FSTL4: variants seen among roughly 807,000 people sequenced by gnomAD.
FSTL4 encodes the protein follistatin like 4, also known as follistatin-related protein 4.
In FSTL4, 28 loss-of-function variants were observed where a neutral mutation model predicts 78.2. The observed-to-expected ratio is 0.36, with a 90% confidence interval of 0.27 to 0.49. FSTL4 has a LOEUF of 0.49. FSTL4 is among the 20% of genes least tolerant of loss of function. FSTL4 has a pLI of 0.98. For missense variants in FSTL4, 922 were observed against 1,084.9 expected, an observed-to-expected ratio of 0.85 and a Z score of 2.11; for synonymous variants, 422 against 440.5, an observed-to-expected ratio of 0.96 and a Z score of 0.53.
At chr5:133,358,799 C>G (rs930357448) in intron 4 of FSTL4, among the ~76,000 whole-genome samples, 5 of 152,054 alleles carry the variant, frequency 3.3e-5, no homozygotes, top group African/African-American at 1.2e-4. Flanking sequence ...GGGGTTTCAC[C>G]AGGTTGGCCA....
At chr5:133,576,488 G>A (rs148758070) in intron 2 of FSTL4, among the ~76,000 whole-genome samples, 1 of 152,356 alleles carries the variant, frequency 6.6e-6, no homozygotes, top group African/African-American at 2.4e-5. Context: ...GGAGCTCCAT[G>A]TGACCAGATC....
chr5:133,759,124 G>C, the FSTL4 span, among the ~76,000 whole-genome samples: 4 of 152,158 alleles, frequency 2.6e-5, no homozygotes, highest in East Asian at 7.7e-4. Context: ...AACGTGCAAG[G>C]GTATTTTAAA....
At chr5:133,664,078 A>T in the FSTL4 span, among the ~76,000 whole-genome samples, 9 of 152,162 alleles carry the variant, frequency 5.9e-5, no homozygotes, top group Admixed American at 2.0e-4. Context: ...AGCTACATGA[A>T]AGCAGGTTTC....
the FSTL4 span, among the ~76,000 whole-genome samples, chr5:133,825,193 C>A: frequency 6.6e-6 from 1 of 152,138 alleles, no homozygotes; most frequent in African/African-American, 2.4e-5. Context: ...CCTACTCCCA[C>A]GCCACCTTGA....
At chr5:133,379,714 G>A (rs961711048) in intron 4 of FSTL4, among the ~76,000 whole-genome samples, 11 of 152,138 alleles carry the variant, frequency 7.2e-5, no homozygotes, top group African/African-American at 1.9e-4. Context: ...AGGACACAAC[G>A]TAACAAAACT....
the FSTL4 span, among the ~76,000 whole-genome samples, chr5:133,624,476 T>C: frequency 6.6e-6 from 1 of 151,848 alleles, no homozygotes; most frequent in South Asian, 2.1e-4. Flanking sequence ...GGGGTTTTAT[T>C]TTGGGGTAAT....
At chr5:133,841,683 A>C in the FSTL4 span, among the ~76,000 whole-genome samples, 1 of 152,132 alleles carries the variant, frequency 6.6e-6, no homozygotes, top group Non-Finnish European at 1.5e-5. Flanking sequence ...GCCACCCAAC[A>C]CACAGCACAG....
intron 3 of FSTL4, among the ~76,000 whole-genome samples, chr5:133,465,136 G>T (rs1757678459): frequency 6.6e-6 from 1 of 152,160 alleles, no homozygotes; most frequent in South Asian, 2.1e-4. Context: ...GGGCAGTCCG[G>T]CCTGCTATCT....
chr5:133,539,987 G>A (rs1029420070), intron 3 of FSTL4, among the ~76,000 whole-genome samples: 1 of 149,984 alleles, frequency 6.7e-6, no homozygotes, highest in African/African-American at 2.5e-5. Context: ...CATTTTAATA[G>A]CGACACTTTG....
At chr5:133,651,640 C>CT in the FSTL4 span, among the ~76,000 whole-genome samples, 1 of 149,336 alleles carries the variant, frequency 6.7e-6, no homozygotes, top group South Asian at 2.2e-4. Context: ...ATTTGATTTG[C>CT]TTATTTTTTT....
intron 3 of FSTL4, among the ~76,000 whole-genome samples, chr5:133,403,712 G>T (rs1295467220): frequency 2.6e-5 from 4 of 152,196 alleles, no homozygotes. Context: ...TGTCCGTGGA[G>T]GTGGGTCTTC....
chr5:133,525,987 G>C (rs964732462), intron 3 of FSTL4, among the ~76,000 whole-genome samples: 1 of 152,136 alleles, frequency 6.6e-6, no homozygotes, highest in Non-Finnish European at 1.5e-5. Context: ...AGGGTCATGG[G>C]GGAGACGGAG....
the FSTL4 span, among the ~76,000 whole-genome samples, chr5:133,647,913 T>C: frequency 6.6e-6 from 1 of 152,142 alleles, no homozygotes; most frequent in African/African-American, 2.4e-5. Context: ...GGGAGGTAAT[T>C]GAATCATGGA....
At chr5:133,800,370 T>C in the FSTL4 span, among the ~76,000 whole-genome samples, 1 of 138,062 alleles carries the variant, frequency 7.2e-6, no homozygotes, top group African/African-American at 2.7e-5. Context: ...ATAGGCGACA[T>C]TGGAAGAAGA....
the FSTL4 span, among the ~76,000 whole-genome samples, chr5:133,738,737 G>A: frequency 1.3e-5 from 2 of 152,118 alleles, no homozygotes; most frequent in Non-Finnish European, 2.9e-5. Flanking sequence ...GAGATGACGG[G>A]AGCAAGTGAC....
chr5:133,773,500 A>G, the FSTL4 span, among the ~76,000 whole-genome samples: 1 of 151,716 alleles, frequency 6.6e-6, no homozygotes, highest in East Asian at 1.9e-4. Flanking sequence ...TCCCTTACCT[A>G]CTCTCCTTCT....
chr5:133,650,071 C>T, the FSTL4 span, among the ~76,000 whole-genome samples: 1 of 152,048 alleles, frequency 6.6e-6, no homozygotes, highest in Non-Finnish European at 1.5e-5. Flanking sequence ...TGCAAAGATC[C>T]CATGGCGAGA....
chr5:133,801,270 T>G, the FSTL4 span, among the ~76,000 whole-genome samples: 20 of 152,272 alleles, frequency 1.3e-4, no homozygotes, highest in Middle Eastern at 3.4e-3. Flanking sequence ...CAACTGCTTT[T>G]CAGGCATCTC....
At chr5:133,524,673 C>T (rs530723421) in intron 3 of FSTL4, among the ~76,000 whole-genome samples, 4 of 152,286 alleles carry the variant, frequency 2.6e-5, no homozygotes, top group African/African-American at 7.2e-5. Context: ...AGAAATGCAC[C>T]CCCCACCCCG....
Sources: allele counts gnomAD v4.1 joint callset (sites outside exome capture counted in the v4.1 genomes callset), GRCh38; gene constraint gnomAD v4.1.1; transcripts MANE v1.5; gene names NCBI Gene and HGNC (gene_info 2026-07-23, HGNC 2026-07-21).